Variants in KATNAL2 observed in about 807,000 individuals in gnomAD.
KATNAL2 encodes the protein katanin catalytic subunit A1 like 2.
KATNAL2 carries 52 observed loss-of-function variants against 76.3 expected under a neutral mutation model. The ratio of observed to expected loss-of-function variants is 0.68; its 90% confidence interval spans 0.55 to 0.86. The LOEUF (loss-of-function observed/expected upper bound fraction) is 0.86. KATNAL2 is among the 40% of genes least tolerant of loss of function. The probability of loss-of-function intolerance (pLI) is 0.00; values close to 1 mark genes in which losing one functional copy is unlikely to be tolerated. For missense variants in KATNAL2, 660 were observed against 668.9 expected, an observed-to-expected ratio of 0.99 and a Z score of 0.15; for synonymous variants, 243 against 244.2, an observed-to-expected ratio of 1.00 and a Z score of 0.05.
chr18:47,069,274 G>A lies in KATNAL2; in HGVS notation c.880G>A (p.Gly294Ser), dbSNP rs747684432. The A allele has an allele frequency of 8.7e-6, 14 of 1,608,930 alleles. No individual in the cohort carries two copies. Among genetic ancestry groups the A allele is most frequent in the East Asian group, 2.2e-5 (1 of 44,872 alleles). ...LSPWKGLLLYGPPGTGKTLLA... is the reference protein window; with the variant it reads ...LSPWKGLLLYSPPGTGKTLLA... ...TCCCTGGAAAGGACTACTGCTGTAC[G>A]GCCCTCCAGGTAAACACAGCTTCCT... The change falls in exon 12 of 18, where the codon GGC becomes AGC. Residue 294 changes from glycine (G) to serine (S), a missense_variant. Gly to Ser is a moderately conservative substitution (Grantham distance 56). Coordinates refer to ENST00000683218, the MANE Select transcript of KATNAL2 (RefSeq NM_001387690.1).
At chr18:47,032,923 G>C (rs1232117119) in intron 3 of KATNAL2, 5 of 1,609,462 alleles carry the variant, frequency 3.1e-6, no homozygotes, top group Non-Finnish European at 3.4e-6. Flanking sequence ...GTGTCCATTG[G>C]AAGTTTCGTT....
chr18:46,966,131 GAAA>G (rs2060127619), intron 3 of KATNAL2, among the ~76,000 whole-genome samples: 1 of 140,306 alleles, frequency 7.1e-6, no homozygotes, highest in East Asian at 2.1e-4. Flanking sequence ...GTTGTGCAGA[GAAA>G]TAAGTAAATT....
At chr18:47,061,994 G>A (rs910125775) in intron 8 of KATNAL2, among the ~76,000 whole-genome samples, 9 of 152,032 alleles carry the variant, frequency 5.9e-5, no homozygotes, top group Non-Finnish European at 1.3e-4. Context: ...TTTATTAGCT[G>A]TGTGGCCCTG....
At position 47,032,686 on chromosome 18, in the gene KATNAL2, G is replaced by C; in HGVS notation, c.52-13771G>C. 3 of 421,458 alleles carry C rather than the reference G, an allele frequency of 7.1e-6. No individual in the cohort carries two copies. In the South Asian group the frequency reaches 1.1e-4, roughly 15 times the overall value. The allele number at this position is 421,458 out of a possible 1,614,324, so 26.1% of individuals were successfully genotyped here. A position where few individuals can be genotyped will look rare whatever the true frequency, so the allele number is the denominator to read the frequency against. On this transcript the variant is annotated intron_variant, in intron 3 of 17. Coordinates refer to ENST00000683218, the MANE Select transcript of KATNAL2 (RefSeq NM_001387690.1). ...TCGAAAAAAAAAAGAAAGGAAAAAG[G>C]AAATCTCACATCTTTTTCCTTATTT...
chr18:47,084,847 T>TAAAAAAAAAAAAAAAAA (rs34034453), intron 15 of KATNAL2, among the ~76,000 whole-genome samples: 1 of 25,534 alleles, frequency 3.9e-5, no homozygotes. Flanking sequence ...AGACTCTGTC[T>TAAAAAAAAAAAAAAAAA]AAAAAAAAAA....
intron 15 of KATNAL2, among the ~76,000 whole-genome samples, chr18:47,094,323 T>C (rs2063135959): frequency 6.6e-6 from 1 of 152,234 alleles, no homozygotes; most frequent in Non-Finnish European, 1.5e-5. Flanking sequence ...TCAGGTATTT[T>C]GTTAATAGCA....
At chr18:46,931,659 A>G (rs1426496812) in intron 1 of KATNAL2, among the ~76,000 whole-genome samples, 1 of 151,598 alleles carries the variant, frequency 6.6e-6, no homozygotes, top group Non-Finnish European at 1.5e-5. Context: ...AGAAAGAAAG[A>G]AAGAGAGGGA....
chr18:47,053,685 C>T (rs955957452), intron 5 of KATNAL2, among the ~76,000 whole-genome samples: 2 of 152,222 alleles, frequency 1.3e-5, no homozygotes, highest in African/African-American at 4.8e-5. Flanking sequence ...TGTTAAGCCA[C>T]AGACTTTAAC....
At position 46,946,269 on chromosome 18, in the gene KATNAL2, A is replaced by G; in HGVS notation, c.-297A>G. Reference sequence around the variant, plus strand: ...CGTCCATGTTTTTCCACGTCTAATGAGAACAGGTCTGATGTGAAAGGAATT... The same window carrying G: ...CGTCCATGTTTTTCCACGTCTAATGGGAACAGGTCTGATGTGAAAGGAATT... On this transcript the variant is annotated 5_prime_UTR_variant, in exon 2 of 18. Coordinates refer to ENST00000683218, the MANE Select transcript of KATNAL2 (RefSeq NM_001387690.1). 1 of 1,101,958 alleles carries G rather than the reference A, an allele frequency of 9.1e-7. No homozygotes were observed. Among genetic ancestry groups the G allele is most frequent in the Non-Finnish European group, 1.1e-6 (1 of 894,488 alleles). 68.3% of individuals were successfully genotyped at this position (1,101,958 alleles called of 1,614,324 possible).
intron 3 of KATNAL2, among the ~76,000 whole-genome samples, chr18:47,041,789 G>T (rs2060974143): frequency 6.6e-6 from 1 of 152,278 alleles, no homozygotes; most frequent in East Asian, 1.9e-4. Context: ...AAAAAAACCT[G>T]CCAAAGTGCC....
chr18:46,950,950 C>T (rs1277563185), intron 3 of KATNAL2, among the ~76,000 whole-genome samples: 2 of 152,152 alleles, frequency 1.3e-5, no homozygotes, highest in Admixed American at 1.3e-4. Flanking sequence ...TCCCAAAGTG[C>T]TGGGATTACA....
At chr18:47,078,883 C>A (rs1395588956) in intron 15 of KATNAL2, among the ~76,000 whole-genome samples, 1 of 152,172 alleles carries the variant, frequency 6.6e-6, no homozygotes, top group Non-Finnish European at 1.5e-5. Flanking sequence ...ATTTGCTTCT[C>A]AATGTGTCAG....
At chr18:46,959,737 C>G (rs774417193) in intron 3 of KATNAL2, among the ~76,000 whole-genome samples, 8 of 152,122 alleles carry the variant, frequency 5.3e-5, no homozygotes, top group African/African-American at 1.4e-4. Context: ...CCATGCCCGG[C>G]TAATTTTTGT....
chr18:47,088,441 G>A (rs111959387), intron 15 of KATNAL2, among the ~76,000 whole-genome samples: 1 of 152,118 alleles, frequency 6.6e-6, no homozygotes, highest in Non-Finnish European at 1.5e-5. Context: ...GAAAAGTCTT[G>A]TTCATATTTT....
At chr18:47,033,266 G>C (rs528389219) in intron 3 of KATNAL2, 5 of 1,613,552 alleles carry the variant, frequency 3.1e-6, no homozygotes, top group Non-Finnish European at 4.2e-6. Context: ...CCATTTTCGG[G>C]GTCAGCGTCT....
At chr18:47,096,727 A>G (rs1463736806) in intron 15 of KATNAL2, among the ~76,000 whole-genome samples, 4 of 152,222 alleles carry the variant, frequency 2.6e-5, no homozygotes, top group African/African-American at 7.2e-5. Context: ...AAGATGATCT[A>G]TTGATAATAG....
At chr18:47,031,322 A>C (rs999202170) in intron 3 of KATNAL2, among the ~76,000 whole-genome samples, 2 of 151,932 alleles carry the variant, frequency 1.3e-5, no homozygotes, top group African/African-American at 4.8e-5. Flanking sequence ...AAACAGATCC[A>C]TTTGAAATAT....
chr18:47,036,247 T>C (rs2060770016), intron 3 of KATNAL2, among the ~76,000 whole-genome samples: 1 of 152,240 alleles, frequency 6.6e-6, no homozygotes, highest in South Asian at 2.1e-4. Context: ...AACTGCCCTT[T>C]GTTCAGTGAA....
At chr18:47,048,904 G>T (rs528995929) in intron 4 of KATNAL2, among the ~76,000 whole-genome samples, 1 of 131,944 alleles carries the variant, frequency 7.6e-6, no homozygotes, top group Non-Finnish European at 1.5e-5. Flanking sequence ...GCGCGATCTC[G>T]GCTCACTGCA....
Sources: gnomAD v4.1 joint callset for allele counts (sites outside exome capture counted in the v4.1 genomes callset) on GRCh38, gnomAD v4.1.1 for gene constraint, MANE v1.5 for transcripts, NCBI Gene and HGNC (gene_info 2026-07-23, HGNC 2026-07-21) for gene names.